Variants in CNTN4 observed in about 807,000 individuals in gnomAD.
CNTN4 encodes contactin 4, also known as contactin-4.
A neutral mutation model predicts 122.5 loss-of-function variants in CNTN4; 77 were observed. The ratio of observed to expected loss-of-function variants is 0.63; its 90% confidence interval spans 0.52 to 0.76. The LOEUF is 0.76. CNTN4 is among the 30% of genes least tolerant of loss of function. CNTN4 has a pLI of 0.00. For synonymous variants in CNTN4, 512 were observed against 447.0 expected, an observed-to-expected ratio of 1.15 and a Z score of -1.83; for missense variants, 1,256 against 1,259.1, an observed-to-expected ratio of 1.00 and a Z score of 0.04.
intron 4 of CNTN4, among the ~76,000 whole-genome samples, chr3:2,590,179 G>T (rs1174872450): frequency 6.6e-6 from 1 of 152,134 alleles, no homozygotes; most frequent in Non-Finnish European, 1.5e-5. Context: ...CCACTCTTGT[G>T]CATTTCTAAT....
At position 2,245,893 on chromosome 3, in the gene CNTN4, C is replaced by T. The variant is rs536268187; in HGVS notation, c.-144-93285C>T. 6.3e-4 allele frequency among the ~76,000 whole-genome samples: 95 copies of T among 151,968 alleles called. 1 individual carries two copies. Among genetic ancestry groups the T allele is most frequent in the African/African-American group, 2.2e-3 (93 of 41,486 alleles). On this transcript the variant is annotated intron_variant, in intron 2 of 24. Transcript: ENST00000418658. ...TACTTAAATCCTAGCACTAGAGTTCCTTTTTTGAGAATTATTCCTTTTCTC... is the reference window on the plus strand; with the variant it reads ...TACTTAAATCCTAGCACTAGAGTTCTTTTTTTGAGAATTATTCCTTTTCTC...
At chr3:2,965,837 A>G (rs1039630079) in intron 13 of CNTN4, among the ~76,000 whole-genome samples, 1 of 152,130 alleles carries the variant, frequency 6.6e-6, no homozygotes, top group Non-Finnish European at 1.5e-5. Context: ...CGTCCCCTGT[A>G]TGTATCTAAC....
rs1693580329 is a variant in CNTN4 at position 2,977,930 on chromosome 3, A to G, written c.1359-10415A>G. Among the ~76,000 whole-genome samples, 3 of 152,282 alleles carry G rather than the reference A, an allele frequency of 2.0e-5. No homozygotes were observed. The South Asian group carries it at 6.2e-4, about 32-fold the overall frequency. ...GGGAAGACAATGTAAAGAGACACACATCCGCACCATGTGACGATGGAGGCA... is the reference window on the plus strand; with the variant it reads ...GGGAAGACAATGTAAAGAGACACACGTCCGCACCATGTGACGATGGAGGCA... On this transcript the variant is annotated intron_variant, in intron 13 of 24. Transcript: ENST00000418658.
intron 13 of CNTN4, among the ~76,000 whole-genome samples, chr3:2,945,331 G>A (rs1032943537): frequency 6.6e-6 from 1 of 152,178 alleles, no homozygotes; most frequent in Non-Finnish European, 1.5e-5. Context: ...CAAAGCATAA[G>A]TTGTAATTGA....
intron 7 of CNTN4, among the ~76,000 whole-genome samples, chr3:2,864,438 G>A (rs533252812): frequency 1.3e-5 from 2 of 150,286 alleles, no homozygotes; most frequent in South Asian, 2.1e-4. Context: ...ATATTGCAGG[G>A]AAAAAAAAAT....
At chr3:2,750,588 A>T (rs1344232554) in intron 6 of CNTN4, among the ~76,000 whole-genome samples, 2 of 152,210 alleles carry the variant, frequency 1.3e-5, no homozygotes, top group African/African-American at 4.8e-5. Context: ...ATGGATAAGC[A>T]TACATTATTG....
At chr3:2,456,352 T>C (rs1231756153) in intron 3 of CNTN4, among the ~76,000 whole-genome samples, 1 of 152,160 alleles carries the variant, frequency 6.6e-6, no homozygotes, top group Non-Finnish European at 1.5e-5. Flanking sequence ...TATTTATTTC[T>C]ATTGAGTTGA....
intron 3 of CNTN4, among the ~76,000 whole-genome samples, chr3:2,349,004 G>A (rs917894438): frequency 6.6e-6 from 1 of 152,084 alleles, no homozygotes; most frequent in Non-Finnish European, 1.5e-5. Flanking sequence ...GAGCTTTTAG[G>A]AAAGATACAA....
At chr3:2,294,322 G>C (rs1223562748) in intron 2 of CNTN4, among the ~76,000 whole-genome samples, 1 of 135,460 alleles carries the variant, frequency 7.4e-6, no homozygotes, top group Non-Finnish European at 1.6e-5. Flanking sequence ...CCTCACTCAA[G>C]AGCTTGTTAA....
intron 17 of CNTN4, 46 bp downstream of exon 17, chr3:3,034,836 A>G (rs745824390): frequency 6.3e-7 from 1 of 1,593,784 alleles, no homozygotes; most frequent in South Asian, 1.1e-5. Flanking sequence ...AACTCAGCAT[A>G]CTGGACACAG....
At chr3:2,788,339 T>C (rs2091905403) in intron 6 of CNTN4, among the ~76,000 whole-genome samples, 1 of 152,196 alleles carries the variant, frequency 6.6e-6, no homozygotes, top group Non-Finnish European at 1.5e-5. Context: ...CTGTATGATA[T>C]AATTTGGAAT....
chr3:2,659,549 A>G (rs2083774859), intron 4 of CNTN4, among the ~76,000 whole-genome samples: 1 of 151,588 alleles, frequency 6.6e-6, no homozygotes, highest in Non-Finnish European at 1.5e-5. Flanking sequence ...GTATTACCCT[A>G]GTCTGCAGTG....
chr3:2,864,076 A>G (rs755827854), intron 7 of CNTN4, among the ~76,000 whole-genome samples: 10 of 152,222 alleles, frequency 6.6e-5, no homozygotes, highest in East Asian at 1.9e-4. Flanking sequence ...TTTTACTTCT[A>G]TAATGATTAA....
At chr3:3,030,107 A>G (rs953351625) in intron 15 of CNTN4, among the ~76,000 whole-genome samples, 1 of 152,206 alleles carries the variant, frequency 6.6e-6, no homozygotes, top group African/African-American at 2.4e-5. Context: ...GCTATGAACC[A>G]AACTCCAAGG....
intron 3 of CNTN4, among the ~76,000 whole-genome samples, chr3:2,532,203 C>G (rs1286000000): frequency 6.6e-6 from 1 of 152,138 alleles, no homozygotes; most frequent in Non-Finnish European, 1.5e-5. Context: ...TAGTATTTCT[C>G]TATTTTGTGA....
chr3:2,166,516 T>A (rs2036201819), intron 2 of CNTN4, among the ~76,000 whole-genome samples: 3 of 151,532 alleles, frequency 2.0e-5, no homozygotes, highest in Non-Finnish European at 4.4e-5. Context: ...AGTAATGAGT[T>A]CAGTAAAATA....
chr3:2,982,452 G>T (rs1444238739), intron 13 of CNTN4, among the ~76,000 whole-genome samples: 2 of 152,154 alleles, frequency 1.3e-5, no homozygotes, highest in African/African-American at 4.8e-5. Flanking sequence ...ACAGAAATGG[G>T]CTCAAAAATG....
chr3:2,570,587 G>A (rs956517356), intron 3 of CNTN4, among the ~76,000 whole-genome samples: 1 of 152,072 alleles, frequency 6.6e-6, no homozygotes, highest in African/African-American at 2.4e-5. Context: ...TGCAACCCTG[G>A]ATCTGTGTTC....
chr3:2,299,692 A>G (rs1237908447), intron 2 of CNTN4, among the ~76,000 whole-genome samples: 1 of 152,182 alleles, frequency 6.6e-6, no homozygotes, highest in African/African-American at 2.4e-5. Context: ...ACGTGTGTAC[A>G]CAACAGAATA....
Sources: allele counts gnomAD v4.1 joint callset (sites outside exome capture counted in the v4.1 genomes callset), GRCh38; gene constraint gnomAD v4.1.1; transcripts MANE v1.5; gene names NCBI Gene and HGNC (gene_info 2026-07-23, HGNC 2026-07-21).